The following KLHL12 variants were observed in gnomAD, a reference collection of about 807,000 sequenced individuals.
KLHL12 encodes kelch-like protein 12.
KLHL12 carries 17 observed loss-of-function variants against 60.8 expected under a neutral mutation model. The observed-to-expected ratio is 0.28, with a 90% CI of 0.19 to 0.42. The LOEUF (loss-of-function observed/expected upper bound fraction) is 0.42. Ranked by LOEUF, KLHL12 falls within the 10% of genes least tolerant of loss-of-function variation. The pLI, the probability that KLHL12 is intolerant of heterozygous loss-of-function variation, is 1.00. For synonymous variants in KLHL12, 220 were observed against 250.9 expected, an observed-to-expected ratio of 0.88 and a Z score of 1.16; for missense variants, 468 against 722.3, an observed-to-expected ratio of 0.65 and a Z score of 4.04.
At chr1:202,928,158 C>T (rs1653707930), upstream of KLHL12, among the ~76,000 whole-genome samples, 1 of 150,818 alleles carries the variant, frequency 6.6e-6, no homozygotes, top group East Asian at 1.9e-4. Context: ...GCCAGTAGTC[C>T]CAGCTACTCG....
At chr1:202,927,827 A>G (rs1288373612), upstream of KLHL12, among the ~76,000 whole-genome samples, 3 of 150,928 alleles carry the variant, frequency 2.0e-5, no homozygotes, top group Non-Finnish European at 4.4e-5. Context: ...TGAAAATACA[A>G]AAAAATTAGC....
At chr1:202,906,631 G>A (rs981628145) in intron 6 of KLHL12, among the ~76,000 whole-genome samples, 1 of 151,644 alleles carries the variant, frequency 6.6e-6, no homozygotes, top group Admixed American at 6.6e-5. Flanking sequence ...TGGTTAAGAT[G>A]GTAAATTTTA....
At chr1:202,916,338 C>T (rs960885199) in intron 4 of KLHL12, among the ~76,000 whole-genome samples, 6 of 152,228 alleles carry the variant, frequency 3.9e-5, no homozygotes, top group African/African-American at 1.4e-4. Flanking sequence ...TGTAAAGAAA[C>T]ACTTGGCTAA....
intron 4 of KLHL12, chr1:202,911,717 C>T (rs1037563103): frequency 3.4e-6 from 2 of 588,504 alleles, no homozygotes; most frequent in Non-Finnish European, 6.1e-6. Flanking sequence ...GCTTCTCTAA[C>T]ATCACTATGT....
chr1:202,897,817 G>T (rs1357934342), intron 6 of KLHL12, among the ~76,000 whole-genome samples: 2 of 151,752 alleles, frequency 1.3e-5, no homozygotes, highest in Non-Finnish European at 2.9e-5. Context: ...TGATTCTCCT[G>T]CCTCAGCCTC....
intron 4 of KLHL12, among the ~76,000 whole-genome samples, chr1:202,915,991 T>C (rs750058530): frequency 2.0e-5 from 3 of 152,258 alleles, no homozygotes; most frequent in Non-Finnish European, 4.4e-5. Context: ...GTAGTGAACG[T>C]CAAATCTGTA....
chr1:202,894,456 T>C, intron 9 of KLHL12, 135 bp downstream of exon 9: 2 of 948,042 alleles, frequency 2.1e-6, no homozygotes. Flanking sequence ...TCCCAATTAA[T>C]GGAAAATATA....
In KLHL12 at chr1:202,894,832, C is replaced by T. The variant is rs149652791; in HGVS notation, c.1136-83G>A. ...TTCCTCTACAAATTTTCCAAGGGTC[C>T]TTTAAAAGTCTGAGAGCAAAAACAA... On this transcript the variant is annotated intron_variant, in intron 8 of 11. Transcript: ENST00000367261. 3.4e-4 allele frequency: 404 copies of T among 1,176,122 alleles called. 1 individual carries two copies. The African/African-American group carries it at 4.7e-3, about 14-fold the overall frequency. The allele number at this position is 1,176,122 out of a possible 1,614,324, so 72.9% of individuals were successfully genotyped here. A position where few individuals can be genotyped will look rare whatever the true frequency, so the allele number is the denominator to read the frequency against.
chr1:202,912,034 G>A (rs1660378506), intron 4 of KLHL12: 4 of 786,174 alleles, frequency 5.1e-6, no homozygotes, highest in South Asian at 2.7e-5. Flanking sequence ...AGCCATGAAT[G>A]CAAGGCCACA....
chr1:202,905,262 G>A (rs1051662933), intron 6 of KLHL12, among the ~76,000 whole-genome samples: 1 of 152,190 alleles, frequency 6.6e-6, no homozygotes, highest in Non-Finnish European at 1.5e-5. Context: ...TGCAAGAAAT[G>A]TACCTCCAAA....
intron 6 of KLHL12, among the ~76,000 whole-genome samples, chr1:202,897,583 T>G (rs1659880284): frequency 6.6e-6 from 1 of 151,830 alleles, no homozygotes; most frequent in Admixed American, 6.6e-5. Flanking sequence ...AGGTCTTAAG[T>G]GCAGGTGAGA....
chr1:202,912,088 AG>A, intron 4 of KLHL12: 2 of 808,186 alleles, frequency 2.5e-6, no homozygotes, highest in Non-Finnish European at 4.4e-6. Context: ...AGCTGTTTCA[AG>A]GGAAGATTCT....
At chr1:202,896,195 CT>C (rs939109676) in intron 7 of KLHL12, among the ~76,000 whole-genome samples, 3 of 151,582 alleles carry the variant, frequency 2.0e-5, no homozygotes, top group African/African-American at 7.3e-5. Flanking sequence ...CAGATACAAA[CT>C]TTTTTTTTCT....
intron 2 of KLHL12, among the ~76,000 whole-genome samples, chr1:202,920,282 C>G (rs1660646338): frequency 6.6e-6 from 1 of 150,892 alleles, no homozygotes; most frequent in Non-Finnish European, 1.5e-5. Context: ...CCACTCCACT[C>G]CAGCCTGGGC....
chr1:202,910,494 GGTTA>G (rs1434259056), intron 5 of KLHL12, among the ~76,000 whole-genome samples: 4 of 152,166 alleles, frequency 2.6e-5, no homozygotes, highest in Non-Finnish European at 4.4e-5. Context: ...CTTCTTGCTG[GGTTA>G]CCTACATATT....
intron 9 of KLHL12, 115 bp downstream of exon 9, chr1:202,894,476 A>C: frequency 1.9e-6 from 2 of 1,052,824 alleles, no homozygotes; most frequent in Non-Finnish European, 2.9e-6. Flanking sequence ...ATTAAGACAC[A>C]CCAGGGTTTT....
chr1:202,893,471 A>G lies in KLHL12; in HGVS notation c.1394-46T>C. Reference sequence around the variant, plus strand: ...AGCAAATGTATGGTACTAAGCCTAGAATCTGAATTATAGAAATAAACTACG... The same window carrying G: ...AGCAAATGTATGGTACTAAGCCTAGGATCTGAATTATAGAAATAAACTACG... On this transcript the variant is annotated intron_variant, in intron 10 of 11. Coordinates refer to ENST00000367261, the MANE Select transcript of KLHL12 (RefSeq NM_021633.4). The surrounding 1 kb of genome is among the most constrained non-coding windows in gnomAD (Gnocchi z 4.1). 6.7e-7 allele frequency: 1 copy of G among 1,487,014 alleles called. No homozygotes were observed. Among genetic ancestry groups the G allele is most frequent in the Non-Finnish European group, 9.2e-7 (1 of 1,083,488 alleles). 92.1% of individuals were successfully genotyped at this position (1,487,014 alleles called of 1,614,324 possible).
At chr1:202,906,325 C>G (rs1053114885) in intron 6 of KLHL12, among the ~76,000 whole-genome samples, 2 of 149,312 alleles carry the variant, frequency 1.3e-5, no homozygotes, top group Non-Finnish European at 1.5e-5. Flanking sequence ...CGTGGTGGCA[C>G]ACACCTGTAA....
intron 2 of KLHL12, among the ~76,000 whole-genome samples, chr1:202,922,517 C>T (rs1458035983): frequency 6.7e-6 from 1 of 149,516 alleles, no homozygotes; most frequent in African/African-American, 2.5e-5. Context: ...GACAGAGTCT[C>T]GCTCTGTCAC....
Sources: allele counts gnomAD v4.1 joint callset (sites outside exome capture counted in the v4.1 genomes callset), GRCh38; gene constraint gnomAD v4.1.1; non-coding constraint Gnocchi (gnomAD v3.1); transcripts MANE v1.5; gene names NCBI Gene and HGNC (gene_info 2026-07-23, HGNC 2026-07-21).